ATAD1: variants seen among roughly 807,000 people sequenced by gnomAD.
The protein encoded by ATAD1 is outer mitochondrial transmembrane helix translocase.
In ATAD1, 18 loss-of-function variants were observed where a neutral mutation model predicts 42.7. The ratio of observed to expected loss-of-function variants is 0.42; its 90% confidence interval spans 0.29 to 0.63. ATAD1 has a LOEUF of 0.63. Among genes scored for constraint, ATAD1 ranks in the 20% least tolerant of loss-of-function variants. ATAD1 has a pLI of 0.19. For synonymous variants in ATAD1, 132 were observed against 143.1 expected (o/e 0.92, Z 0.55); for missense variants, 294 against 440.4 (o/e 0.67, Z 2.98).
chr10:87,762,783 A>G (rs1377689936), intron 8 of ATAD1, among the ~76,000 whole-genome samples: 2 of 151,514 alleles, frequency 1.3e-5, no homozygotes, highest in African/African-American at 2.4e-5. Context: ...AATTCAATTA[A>G]AAGTCAACCG....
chr10:87,817,231 G>A (rs912615802), intron 1 of ATAD1, among the ~76,000 whole-genome samples: 2 of 152,136 alleles, frequency 1.3e-5, no homozygotes, highest in South Asian at 2.1e-4. Flanking sequence ...TAAAATGTAA[G>A]GCTGTTACAG....
chr10:87,836,238 C>T (rs2132117545), intron 1 of ATAD1, among the ~76,000 whole-genome samples: 1 of 152,180 alleles, frequency 6.6e-6, no homozygotes, highest in South Asian at 2.1e-4. Context: ...GTGATCCTCC[C>T]ACCTCAGCTT....
At chr10:87,790,575 C>A in intron 3 of ATAD1, 145 bp from the exon 4 acceptor site, 1 of 849,562 alleles carries the variant, frequency 1.2e-6, no homozygotes, top group Non-Finnish European at 1.7e-6. Context: ...AAAGACTTTT[C>A]CAAGCAGTAA....
chr10:87,785,738 AAAG>A (rs1855802946), intron 4 of ATAD1, among the ~76,000 whole-genome samples: 1 of 151,660 alleles, frequency 6.6e-6, no homozygotes, highest in Non-Finnish European at 1.5e-5. Flanking sequence ...TTAAAAAAAA[AAAG>A]AAATCTGCAC....
intron 4 of ATAD1, among the ~76,000 whole-genome samples, chr10:87,786,611 T>C (rs1855846012): frequency 6.6e-6 from 1 of 152,258 alleles, no homozygotes; most frequent in Admixed American, 6.5e-5. Context: ...CAATATTCCC[T>C]TCTTGACCTG....
chr10:87,812,514 C>T (rs1161428399), intron 2 of ATAD1, among the ~76,000 whole-genome samples: 1 of 152,096 alleles, frequency 6.6e-6, no homozygotes, highest in Non-Finnish European at 1.5e-5. Context: ...CTGCCTGTCT[C>T]GGCCTCCCAA....
chr10:87,798,625 G>GTGTGTGTGT (rs567973402), intron 2 of ATAD1, among the ~76,000 whole-genome samples: 74 of 124,934 alleles, frequency 5.9e-4, no homozygotes, highest in East Asian at 3.6e-3. Flanking sequence ...AGCTATAGGG[G>GTGTGTGTGT]GTGTGTGTGT....
intron 4 of ATAD1, among the ~76,000 whole-genome samples, chr10:87,785,277 G>A (rs1855771474): frequency 6.6e-6 from 1 of 151,788 alleles, no homozygotes. Flanking sequence ...TTTAATACAA[G>A]GGATCTAGAG....
intron 2 of ATAD1, among the ~76,000 whole-genome samples, chr10:87,799,004 C>T (rs1439875153): frequency 1.3e-5 from 2 of 152,186 alleles, no homozygotes; most frequent in Non-Finnish European, 2.9e-5. Flanking sequence ...AGAGCTCTAA[C>T]TAATTGGCTT....
intron 2 of ATAD1, among the ~76,000 whole-genome samples, chr10:87,805,809 T>C (rs1203822842): frequency 6.6e-6 from 1 of 151,844 alleles, no homozygotes. Flanking sequence ...AGAATGACCA[T>C]GTTCTTTTAC....
chr10:87,793,894 G>A (rs564202921), intron 2 of ATAD1, among the ~76,000 whole-genome samples: 2 of 151,950 alleles, frequency 1.3e-5, no homozygotes, highest in East Asian at 3.9e-4. Flanking sequence ...TTTAGTTATA[G>A]AATAGCTAGG....
At chr10:87,801,473 T>C (rs1257525285) in intron 2 of ATAD1, among the ~76,000 whole-genome samples, 1 of 152,014 alleles carries the variant, frequency 6.6e-6, no homozygotes. Flanking sequence ...TCTTGGTCTG[T>C]ATTTGTAGAG....
rs764382355 is a variant in ATAD1 at position 87,753,050 on chromosome 10, A to G, written c.*1637T>C. 7.2e-5 allele frequency: 11 copies of G among 152,168 alleles called. No homozygotes were observed. Among genetic ancestry groups the G allele is most frequent in the Non-Finnish European group, 1.6e-4 (11 of 68,000 alleles). 9.4% of individuals were successfully genotyped at this position (152,168 alleles called of 1,614,324 possible). On this transcript the variant is annotated 3_prime_UTR_variant, in exon 10 of 10. Transcript: ENST00000680024. Reference sequence around the variant, plus strand: ...TAAAGTCTAAACACAAGTTTTATAAACCAAAAAAAATCCCAGAAAACTTAA... The same window carrying G: ...TAAAGTCTAAACACAAGTTTTATAAGCCAAAAAAAATCCCAGAAAACTTAA...
chr10:87,776,493 G>C, intron 5 of ATAD1, 66 bp from the exon 6 acceptor site: 1 of 1,323,816 alleles, frequency 7.6e-7, no homozygotes, highest in Non-Finnish European at 1.1e-6. Flanking sequence ...TTTTGAGACA[G>C]GGTCTCACTC....
At chr10:87,816,974 GTCA>G (rs1857445903) in intron 1 of ATAD1, among the ~76,000 whole-genome samples, 1 of 152,146 alleles carries the variant, frequency 6.6e-6, no homozygotes, top group Admixed American at 6.5e-5. Context: ...ACACATCCCA[GTCA>G]TCAAGATAGT....
chr10:87,797,854 G>T (rs987148388), intron 2 of ATAD1, among the ~76,000 whole-genome samples: 3 of 152,070 alleles, frequency 2.0e-5, no homozygotes, highest in African/African-American at 7.2e-5. Context: ...ATCTCTGTTT[G>T]GCTTTTCTGC....
At chr10:87,776,220 T>TG (rs745717759) in intron 6 of ATAD1, 101 bp downstream of exon 6, 2 of 809,032 alleles carry the variant, frequency 2.5e-6, no homozygotes, top group South Asian at 3.3e-5. Context: ...TAAATAATTA[T>TG]GAAAAAAAAG....
intron 4 of ATAD1, among the ~76,000 whole-genome samples, chr10:87,788,160 T>C (rs977741620): frequency 6.6e-6 from 1 of 152,238 alleles, no homozygotes; most frequent in Non-Finnish European, 1.5e-5. Context: ...CTATACACAA[T>C]AGTTACATAT....
intron 8 of ATAD1, among the ~76,000 whole-genome samples, chr10:87,762,439 T>C (rs1459801795): frequency 6.6e-6 from 1 of 152,098 alleles, no homozygotes; most frequent in African/African-American, 2.4e-5. Flanking sequence ...TTACCAATTG[T>C]GTTTTATCTA....
Sources: gnomAD v4.1 joint callset for allele counts (sites outside exome capture counted in the v4.1 genomes callset) on GRCh38, gnomAD v4.1.1 for gene constraint, MANE v1.5 for transcripts, NCBI Gene and HGNC (gene_info 2026-07-23, HGNC 2026-07-21) for gene names.